SEPTIN2: variants seen among roughly 807,000 people sequenced by gnomAD.
SEPTIN2 encodes septin-2.
SEPTIN2 carries 34 observed loss-of-function variants against 46.5 expected under a neutral mutation model. The ratio of observed to expected loss-of-function variants is 0.73; its 90% CI spans 0.56 to 0.97. The LOEUF is 0.97. Ranked by LOEUF, SEPTIN2 falls within the 50% of genes least tolerant of loss-of-function variation. SEPTIN2 has a pLI of 0.00. For missense variants in SEPTIN2, 347 were observed against 448.4 expected (o/e 0.77, Z 2.04); for synonymous variants, 175 against 153.4 (o/e 1.14, Z -1.04).
intron 3 of SEPTIN2, among the ~76,000 whole-genome samples, chr2:241,328,828 C>A (rs1331901014): frequency 2.0e-5 from 3 of 151,810 alleles, no homozygotes; most frequent in Non-Finnish European, 4.4e-5. Flanking sequence ...CGAGACCAGC[C>A]TGACCAACAT....
Position 241,339,370 on chromosome 2 carries a change from C to G in SEPTIN2, c.594+1580C>G, listed in dbSNP as rs190638261. ...CCTGGGTGACAGAGCAAGACTCCGT[C>G]TCAAGAAAAAAAAAAAAGAATTTCT... On this transcript the variant is annotated intron_variant, in intron 7 of 12. Transcript: ENST00000391971. Among the ~76,000 whole-genome samples, 4 of 145,908 alleles carry G rather than the reference C, an allele frequency of 2.7e-5. No individual in the cohort carries two copies. The Admixed American group carries it at 2.8e-4, about 10-fold the overall frequency.
chr2:241,330,086 C>A (rs1357782973), intron 3 of SEPTIN2, among the ~76,000 whole-genome samples: 1 of 152,126 alleles, frequency 6.6e-6, no homozygotes, highest in South Asian at 2.1e-4. Flanking sequence ...TAAAGAGGAG[C>A]CTCTACTTTT....
At chr2:241,320,115 C>G in intron 1 of SEPTIN2, 1 of 414,282 alleles carries the variant, frequency 2.4e-6, no homozygotes, top group Non-Finnish European at 5.0e-6. Context: ...TCATTCATTC[C>G]TTTGTTCCTT....
At chr2:241,338,719 ATATAT>A (rs554915181) in intron 7 of SEPTIN2, among the ~76,000 whole-genome samples, 1,360 of 71,816 alleles carry the variant, frequency 0.019, 42 homozygotes, top group South Asian at 0.089. Flanking sequence ...TATTTATATA[ATATAT>A]TATATATATT....
At chr2:241,338,735 ATAT>A (rs1446014191) in intron 7 of SEPTIN2, among the ~76,000 whole-genome samples, 182 of 116,922 alleles carry the variant, frequency 1.6e-3, no homozygotes, top group Non-Finnish European at 2.4e-3. Context: ...TATATATATT[ATAT>A]TATTTATATG....
rs768013653 is a variant in SEPTIN2 at position 241,346,147 on chromosome 2, C to T, written c.843-19C>T. 6.2e-7 allele frequency: 1 copy of T among 1,600,304 alleles called. No individual in the cohort carries two copies. The highest frequency in any genetic ancestry group is 8.6e-7 in the Non-Finnish European group (1 of 1,167,924). On this transcript the variant is annotated intron_variant, in intron 9 of 12. Coordinates refer to ENST00000391971, the MANE Select transcript of SEPTIN2 (RefSeq NM_004404.5). ...TCATGTGCATGATGCCACCTTGGTG[C>T]ATTCCTCTTCTCTTTCAGCACCCAC...
rs772195644 is a variant in SEPTIN2, at chr2:241,337,500, T to C, written c.460T>C (p.Ser154Pro). The C allele has an allele frequency of 1.2e-6, 2 of 1,613,956 alleles. No homozygotes were observed. Among genetic ancestry groups the C allele is most frequent in the South Asian group, 2.2e-5 (2 of 91,004 alleles). Reference sequence around the variant, plus strand: ...GGTGCATTGTTGCTTTTACTTTATTTCACCTTTTGGACATGGGTAAGTAAT... The same window carrying C: ...GGTGCATTGTTGCTTTTACTTTATTCCACCTTTTGGACATGGGTAAGTAAT... ...NRVHCCFYFI[S>P]PFGHGLKPLD... Residue 154 changes from serine (S) to proline (P), a missense_variant, in exon 6 of 13, where the codon TCA (serine) becomes CCA (proline). Coordinates refer to ENST00000391971, the MANE Select transcript of SEPTIN2 (RefSeq NM_004404.5).
chr2:241,331,939 T>C (rs1055720586), intron 3 of SEPTIN2, among the ~76,000 whole-genome samples: 2 of 152,186 alleles, frequency 1.3e-5, no homozygotes, highest in Admixed American at 1.3e-4. Flanking sequence ...TTTGGTTTCG[T>C]TTTTTGAGAA....
chr2:241,322,694 T>G (rs1376617225), intron 1 of SEPTIN2, among the ~76,000 whole-genome samples: 1 of 152,220 alleles, frequency 6.6e-6, no homozygotes, highest in African/African-American at 2.4e-5. Flanking sequence ...CCTTCAGTAC[T>G]ATTTCCTTTC....
At chr2:241,319,831 C>T (rs2076889379) in intron 1 of SEPTIN2, among the ~76,000 whole-genome samples, 1 of 152,092 alleles carries the variant, frequency 6.6e-6, no homozygotes, top group Non-Finnish European at 1.5e-5. Context: ...TGAGCTCAAG[C>T]GCTCCTCCTG....
At position 241,353,117 on chromosome 2, in the gene SEPTIN2, A is replaced by G. The variant is rs1301093520; in HGVS notation, c.*1180A>G. 6.6e-6 allele frequency: 1 copy of G among 152,212 alleles called. No homozygotes were observed. The highest frequency in any genetic ancestry group is 1.5e-5 in the Non-Finnish European group (1 of 68,044). 9.4% of individuals were successfully genotyped at this position (152,212 alleles called of 1,614,324 possible). Reference sequence around the variant, plus strand: ...TGATGGGAGGAAAGTAGCAGTCATCATCTTTTTGTGTGCAGGCTGTCTCAT... The same window carrying G: ...TGATGGGAGGAAAGTAGCAGTCATCGTCTTTTTGTGTGCAGGCTGTCTCAT... On this transcript the variant is annotated 3_prime_UTR_variant, in exon 13 of 13. Transcript: ENST00000391971.
intron 3 of SEPTIN2, among the ~76,000 whole-genome samples, chr2:241,326,674 A>G (rs2078028398): frequency 6.6e-6 from 1 of 151,868 alleles, no homozygotes; most frequent in African/African-American, 2.4e-5. Flanking sequence ...CCTCTTCTCA[A>G]ATTACTCACT....
chr2:241,323,908 A>G (rs2077525043), intron 1 of SEPTIN2, among the ~76,000 whole-genome samples: 1 of 152,244 alleles, frequency 6.6e-6, no homozygotes, highest in Admixed American at 6.5e-5. Context: ...AACAGTCATA[A>G]GGATCTCTCA....
chr2:241,330,921 G>A (rs1402006199), intron 3 of SEPTIN2, among the ~76,000 whole-genome samples: 1 of 152,240 alleles, frequency 6.6e-6, no homozygotes, highest in Non-Finnish European at 1.5e-5. Context: ...TGTAATCCCA[G>A]CACTTTGGGA....
At chr2:241,333,605 G>A (rs569704577) in intron 3 of SEPTIN2, among the ~76,000 whole-genome samples, 1 of 139,386 alleles carries the variant, frequency 7.2e-6, no homozygotes, top group Admixed American at 7.9e-5. Flanking sequence ...CGCCTCCCGG[G>A]TTCACGCCAT....
intron 7 of SEPTIN2, among the ~76,000 whole-genome samples, chr2:241,338,639 T>C (rs1295605500): frequency 7.7e-6 from 1 of 130,486 alleles, no homozygotes; most frequent in Non-Finnish European, 1.6e-5. Context: ...TAAATATATA[T>C]AATATATATT....
At chr2:241,339,024 AT>A (rs1338666420) in intron 7 of SEPTIN2, among the ~76,000 whole-genome samples, 3 of 117,826 alleles carry the variant, frequency 2.5e-5, no homozygotes, top group Admixed American at 2.3e-4. Flanking sequence ...TATACATTAT[AT>A]TTATATACAT....
intron 2 of SEPTIN2, 135 bp from the exon 3 acceptor site, chr2:241,325,858 C>T (rs4234100): frequency 0.56 from 400,456 of 710,252 alleles, 115,417 homozygotes; most frequent in East Asian, 0.8. Flanking sequence ...GAAGTATGAC[C>T]TTCTGGAAGT....
chr2:241,346,347 A>G (rs2060232265), intron 10 of SEPTIN2, 98 bp downstream of exon 10: 3 of 822,116 alleles, frequency 3.6e-6, no homozygotes, highest in Admixed American at 5.5e-5. Flanking sequence ...ACCATTAAGC[A>G]ACATGGTTTG....
Sources: allele counts gnomAD v4.1 joint callset (sites outside exome capture counted in the v4.1 genomes callset), GRCh38; gene constraint gnomAD v4.1.1; transcripts MANE v1.5; gene names NCBI Gene and HGNC (gene_info 2026-07-23, HGNC 2026-07-21).